Variants in DARS1 observed in about 807,000 individuals in gnomAD.
DARS1 encodes aspartate--tRNA ligase, cytoplasmic.
A neutral mutation model predicts 68.8 loss-of-function variants in DARS1; 51 were observed. The ratio of observed to expected loss-of-function variants is 0.74; its 90% confidence interval spans 0.59 to 0.94. The LOEUF (loss-of-function observed/expected upper bound fraction) is 0.94, where lower values mean the gene tolerates loss of function less well. Among genes scored for constraint, DARS1 ranks in the 40% least tolerant of loss-of-function variants. DARS1 has a pLI of 0.00. For synonymous variants in DARS1, 203 were observed against 190.4 expected, an observed-to-expected ratio of 1.07 and a Z score of -0.55; for missense variants, 607 against 597.3, an observed-to-expected ratio of 1.02 and a Z score of -0.17.
intron 4 of DARS1, among the ~76,000 whole-genome samples, chr2:135,944,859 A>G (rs768942549): frequency 6.6e-6 from 1 of 152,244 alleles, no homozygotes; most frequent in Non-Finnish European, 1.5e-5. Context: ...GTGATAACTG[A>G]GTGTATATTC....
chr2:135,949,292 T>G (rs1248674263), intron 4 of DARS1, among the ~76,000 whole-genome samples: 1 of 152,154 alleles, frequency 6.6e-6, no homozygotes, highest in African/African-American at 2.4e-5. Context: ...GTGTTTACAC[T>G]CACTGTCCTC....
intron 9 of DARS1, among the ~76,000 whole-genome samples, chr2:135,921,801 T>G (rs1681114426): frequency 6.6e-6 from 1 of 152,148 alleles, no homozygotes; most frequent in South Asian, 2.1e-4. Context: ...AGGTAATCTG[T>G]GTGCATATTA....
At chr2:135,982,452 G>A (rs967926336) in intron 2 of DARS1, among the ~76,000 whole-genome samples, 2 of 151,734 alleles carry the variant, frequency 1.3e-5, no homozygotes, top group Admixed American at 6.6e-5. Flanking sequence ...AAAAAAAAGT[G>A]AGGCGTGGCG....
At chr2:135,976,320 T>A (rs1480805026) in intron 3 of DARS1, among the ~76,000 whole-genome samples, 1 of 152,192 alleles carries the variant, frequency 6.6e-6, no homozygotes, top group African/African-American at 2.4e-5. Flanking sequence ...ATAGTGCAAT[T>A]AGCATTTAGC....
At chr2:135,979,107 T>A (rs1034653781) in intron 3 of DARS1, 167 bp downstream of exon 3, 3 of 482,444 alleles carry the variant, frequency 6.2e-6, no homozygotes, top group African/African-American at 4.0e-5. Context: ...TTTACAGGAA[T>A]CTAAAATTGA....
At chr2:135,911,878 G>A (rs1680903539) in intron 13 of DARS1, among the ~76,000 whole-genome samples, 1 of 151,064 alleles carries the variant, frequency 6.6e-6, no homozygotes, top group Non-Finnish European at 1.5e-5. Context: ...TTAATCCCCT[G>A]TCTTTCAATA....
intron 3 of DARS1, among the ~76,000 whole-genome samples, chr2:135,963,664 G>A (rs182961892): frequency 6.7e-6 from 1 of 148,676 alleles, no homozygotes; most frequent in East Asian, 2.0e-4. Context: ...GAGCCATCGC[G>A]CCTGGCCTAT....
In DARS1 at chr2:135,933,905, T is replaced by A; in HGVS notation, c.504+5A>T. 6.2e-7 allele frequency: 1 copy of A among 1,611,896 alleles called. No individual in the cohort carries two copies. Among genetic ancestry groups the A allele is most frequent in the Non-Finnish European group, 8.5e-7 (1 of 1,178,714 alleles). On this transcript the variant is annotated splice_donor_5th_base_variant and intron_variant, in intron 6 of 15. Transcript: ENST00000264161. ...AGCATAATATTTCATAAGTATAATT[T>A]TTACCTCTTCTCCTTCTGCCTCAGG...
intron 4 of DARS1, among the ~76,000 whole-genome samples, chr2:135,953,046 C>T (rs75346069): frequency 0.023 from 3,499 of 152,196 alleles, 106 homozygotes; most frequent in African/African-American, 0.068. Context: ...AGTGTTATGC[C>T]ATTAATCTCA....
chr2:135,935,201 C>A (rs1455539629), intron 5 of DARS1, among the ~76,000 whole-genome samples: 1 of 152,140 alleles, frequency 6.6e-6, no homozygotes, highest in Non-Finnish European at 1.5e-5. Context: ...CTTTCAAGTA[C>A]CCCTTCATTG....
At chr2:135,981,468 G>T (rs75800473) in intron 2 of DARS1, among the ~76,000 whole-genome samples, 3,452 of 152,162 alleles carry the variant, frequency 0.023, 103 homozygotes, top group African/African-American at 0.067. Context: ...TGACATGATG[G>T]TCAAAGGAGA....
At chr2:135,956,960 T>G (rs1191006427) in intron 4 of DARS1, among the ~76,000 whole-genome samples, 1 of 151,956 alleles carries the variant, frequency 6.6e-6, no homozygotes, top group Admixed American at 6.6e-5. Context: ...AGACGGGGTT[T>G]CACCATGTTG....
chr2:135,933,646 T>C (rs1681402889), intron 6 of DARS1, among the ~76,000 whole-genome samples: 1 of 152,108 alleles, frequency 6.6e-6, no homozygotes, highest in South Asian at 2.1e-4. Context: ...GTAATAAATA[T>C]TTAAAAATGT....
chr2:135,911,226 A>G lies in DARS1; in HGVS notation c.1343-16T>C. 7.5e-7 allele frequency: 1 copy of G among 1,334,384 alleles called. No homozygotes were observed. The highest frequency in any genetic ancestry group is 1.1e-6 in the Non-Finnish European group (1 of 927,462). 82.7% of individuals were successfully genotyped at this position (1,334,384 alleles called of 1,614,324 possible). Reference sequence around the variant, plus strand: ...TTCTCCAAATCTGCAAAAAGACACAAAACAAAATATAATTTATCATCTTAT... The same window carrying G: ...TTCTCCAAATCTGCAAAAAGACACAGAACAAAATATAATTTATCATCTTAT... On this transcript the variant is annotated splice_polypyrimidine_tract_variant and intron_variant, in intron 14 of 15. Transcript: ENST00000264161.
At chr2:135,938,133 C>T (rs912196383) in intron 5 of DARS1, among the ~76,000 whole-genome samples, 5 of 152,182 alleles carry the variant, frequency 3.3e-5, no homozygotes, top group African/African-American at 9.6e-5. Flanking sequence ...ACCAATCAGA[C>T]GTAGATTTGG....
chr2:135,915,348 T>G (rs1010349653), intron 11 of DARS1, among the ~76,000 whole-genome samples: 2 of 152,206 alleles, frequency 1.3e-5, no homozygotes, highest in South Asian at 2.1e-4. Context: ...TACAGTGGCA[T>G]GATCATGGGT....
chr2:135,915,651 A>T (rs1226549100), intron 11 of DARS1, among the ~76,000 whole-genome samples: 1 of 152,142 alleles, frequency 6.6e-6, no homozygotes, highest in South Asian at 2.1e-4. Flanking sequence ...AATTTAGATA[A>T]TACTATACTA....
rs577768787 is a variant in DARS1 at position 135,914,499 on chromosome 2, T to C, written c.1119A>G (p.Glu373=). 47 of 1,463,812 alleles carry C rather than the reference T, an allele frequency of 3.2e-5. No homozygotes were observed. The highest frequency in any genetic ancestry group is 4.4e-5 in the Non-Finnish European group (46 of 1,042,890). The allele number at this position is 1,463,812 out of a possible 1,614,324, so 90.7% of individuals were successfully genotyped here. A position where few individuals can be genotyped will look rare whatever the true frequency, so the allele number is the denominator to read the frequency against. ...CCTTTACCAAATGACCCAACAGCTT[T>C]TCATTTGGTGTGCTGAAAAAGAAAC... ...GDEDDLSTPN[E]KLLGHLVKEK... The change falls in exon 12 of 16, where the codon GAA becomes GAG. Residue 373 remains glutamate, a synonymous_variant. Coordinates refer to ENST00000264161, the MANE Select transcript of DARS1 (RefSeq NM_001349.4).
At chr2:135,933,783 A>C in intron 6 of DARS1, 127 bp downstream of exon 6, 1 of 1,302,652 alleles carries the variant, frequency 7.7e-7, no homozygotes, top group Non-Finnish European at 9.9e-7. Context: ...TGCTGATTTT[A>C]AGAGTAAGTT....
Sources: allele counts gnomAD v4.1 joint callset (sites outside exome capture counted in the v4.1 genomes callset), GRCh38; gene constraint gnomAD v4.1.1; transcripts MANE v1.5; gene names NCBI Gene and HGNC (gene_info 2026-07-23, HGNC 2026-07-21).